The following VSX2 variants were observed in gnomAD, a reference collection of about 807,000 sequenced individuals.
VSX2 encodes the protein ceh-10 homeo domain containing homolog.
A neutral mutation model predicts 32.1 loss-of-function variants in VSX2; 28 were observed. The ratio of observed to expected loss-of-function variants is 0.87; its 90% CI spans 0.65 to 1.20. The LOEUF (loss-of-function observed/expected upper bound fraction) is 1.20. Among genes scored for constraint, VSX2 ranks in the 50% most tolerant of loss-of-function variants. The pLI, the probability that VSX2 is intolerant of heterozygous loss-of-function variation, is 0.00. For synonymous variants in VSX2, 243 were observed against 214.1 expected (o/e 1.14, Z -1.18); for missense variants, 506 against 488.7 (o/e 1.04, Z -0.33).
Position 74,260,591 on chromosome 14 carries a change from T to C in VSX2, c.761-3T>C. 1 of 1,599,194 alleles carries C rather than the reference T, an allele frequency of 6.3e-7. No individual in the cohort carries two copies. The highest frequency in any genetic ancestry group is 1.1e-5 in the South Asian group (1 of 88,062). ...AAACCCGAATACCAACAATTCTTTC[T>C]AGGGATGCACAAAAAGTCGCTGGAG... On this transcript the variant is annotated splice_polypyrimidine_tract_variant and splice_region_variant and intron_variant, in intron 4 of 4. Transcript: ENST00000261980.
At chr14:74,253,384 C>G (rs2079242060) in intron 3 of VSX2, among the ~76,000 whole-genome samples, 1 of 152,050 alleles carries the variant, frequency 6.6e-6, no homozygotes, top group Non-Finnish European at 1.5e-5. Flanking sequence ...GAAAAAGGAG[C>G]CTAAATGCTG....
At chr14:74,252,859 G>C (rs2079238809) in intron 3 of VSX2, among the ~76,000 whole-genome samples, 1 of 150,224 alleles carries the variant, frequency 6.7e-6, no homozygotes, top group Non-Finnish European at 1.5e-5. Context: ...GACCAGCCTG[G>C]CCAACATGGT....
Position 74,239,750 on chromosome 14 carries a change from G to A in VSX2, c.189G>A (p.Ala63=), listed in dbSNP as rs1205909190. 15 of 1,550,296 alleles carry A rather than the reference G, an allele frequency of 9.7e-6. No homozygotes were observed. The highest frequency in any genetic ancestry group is 7.8e-5 in the Admixed American group (4 of 51,104). The stretch of plus-strand genomic sequence containing the variant: ...GCCTGGCCCCCGGGCACTTGCTGGC[G>A]GCGCGCTCAGTGCTCAGCCCCGCGG... ...LDGLAPGHLL[A]ARSVLSPAGV... is the part of the protein sequence containing the mutation. The change falls in exon 1 of 5, where the codon GCG becomes GCA. Residue 63 remains alanine (A), a synonymous_variant. Transcript: ENST00000261980.
chr14:74,244,929 T>TGTGAGAGAGA (rs1555387789), intron 2 of VSX2, among the ~76,000 whole-genome samples: 2 of 38,912 alleles, frequency 5.1e-5, no homozygotes, highest in East Asian at 1.1e-3. Context: ...TGTGTGTGTG[T>TGTGAGAGAGA]GAAAGAGAGA....
rs143480909 is a variant in VSX2, at chr14:74,245,241, C to T, written c.532C>T (p.Arg178Trp). 1.3e-5 allele frequency: 21 copies of T among 1,613,384 alleles called. No homozygotes were observed. Among genetic ancestry groups the T allele is most frequent in the East Asian group, 4.5e-5 (2 of 44,830 alleles). The change falls in exon 3 of 5, where the codon CGG becomes TGG. Residue 178 changes from arginine (R) to tryptophan (W), a missense_variant. Coordinates refer to ENST00000261980, the MANE Select transcript of VSX2 (RefSeq NM_182894.3). ...NEAHYPDVYA[R>W]EMLAMKTELP... ...AGCCCACTACCCAGACGTCTATGCC[C>T]GGGAGATGCTGGCCATGAAAACGGA...
Position 74,239,781 on chromosome 14 carries a change from G to A in VSX2, c.220G>A (p.Gly74Ser). 6.4e-7 allele frequency: 1 copy of A among 1,559,268 alleles called. No homozygotes were observed. The highest frequency in any genetic ancestry group is 1.2e-5 in the South Asian group (1 of 84,780). ...ARSVLSPAGV[G>S]GMGLLGPGGL... Reference sequence around the variant, plus strand: ...CTCAGTGCTCAGCCCCGCGGGGGTGGGCGGCATGGGGCTTCTGGGGCCCGG... The same window carrying A: ...CTCAGTGCTCAGCCCCGCGGGGGTGAGCGGCATGGGGCTTCTGGGGCCCGG... The change falls in exon 1 of 5, where the codon GGC becomes AGC. Residue 74 changes from glycine to serine, a missense_variant. Physicochemically the swap from Gly to Ser is moderately conservative, Grantham distance 56. Coordinates refer to ENST00000261980, the MANE Select transcript of VSX2 (RefSeq NM_182894.3).
chr14:74,252,818 A>C (rs963506176), intron 3 of VSX2, among the ~76,000 whole-genome samples: 1 of 151,272 alleles, frequency 6.6e-6, no homozygotes, highest in African/African-American at 2.4e-5. Flanking sequence ...GAGGCCTCGG[A>C]GGGCGGATCA....
At chr14:74,258,139 G>A (rs1856513289) in intron 3 of VSX2, among the ~76,000 whole-genome samples, 1 of 152,158 alleles carries the variant, frequency 6.6e-6, no homozygotes. Context: ...GGGGGTCCCC[G>A]GGGAAGCGGG....
In VSX2 at chr14:74,239,771, C is replaced by A. The variant is rs1387865406; in HGVS notation, c.210C>A (p.Pro70=). The part of the protein sequence containing the change: ...HLLAARSVLS[P]AGVGGMGLLG... Reference sequence around the variant, plus strand: ...TGGCGGCGCGCTCAGTGCTCAGCCCCGCGGGGGTGGGCGGCATGGGGCTTC... The same window carrying A: ...TGGCGGCGCGCTCAGTGCTCAGCCCAGCGGGGGTGGGCGGCATGGGGCTTC... Residue 70 remains proline, a synonymous_variant, in exon 1 of 5, where the codon CCC becomes CCA. Transcript: ENST00000261980. 6.4e-7 allele frequency: 1 copy of A among 1,555,660 alleles called. No homozygotes were observed. Among genetic ancestry groups the A allele is most frequent in the Admixed American group, 1.9e-5 (1 of 51,582 alleles).
Position 74,247,443 on chromosome 14 carries a change from A to G in VSX2, c.579+2155A>G, listed in dbSNP as rs1318971219. ...GGCACCTGCCTCTTGTGTGGAGGTA[A>G]TGAGCCATATGTGTGCAGCATTCAG... On this transcript the variant is annotated intron_variant, in intron 3 of 4. Transcript: ENST00000261980. Among the ~76,000 whole-genome samples, 4 of 152,280 alleles carry G rather than the reference A, an allele frequency of 2.6e-5. No homozygotes were observed. In the South Asian group the frequency reaches 8.3e-4, roughly 32 times the overall value.
chr14:74,260,637 G>A lies in VSX2; in HGVS notation c.804G>A (p.Arg268=), dbSNP rs1208767289. Residue 268 remains arginine (R), a synonymous_variant, in exon 5 of 5, where the codon AGG becomes AGA. Transcript: ENST00000261980. ...KSLEAAAESG[R]KPEGERQALP... is the part of the protein sequence containing the mutation. ...TGGAGGCAGCAGCCGAGTCGGGGAG[G>A]AAGCCCGAGGGGGAACGCCAGGCCC... 1 of 1,607,432 alleles carries A rather than the reference G, an allele frequency of 6.2e-7. No individual in the cohort carries two copies. The highest frequency in any genetic ancestry group is 2.2e-5 in the East Asian group (1 of 44,616).
chr14:74,260,278 C>T (rs7150583), intron 4 of VSX2, among the ~76,000 whole-genome samples: 92,840 of 152,036 alleles, frequency 0.61, 30,535 homozygotes, highest in East Asian at 0.88. Flanking sequence ...AGCACCAGCT[C>T]CTCTTGGGGT....
chr14:74,241,127 G>A, intron 1 of VSX2, 55 bp from the exon 2 acceptor site: 2 of 1,587,112 alleles, frequency 1.3e-6, no homozygotes, highest in South Asian at 1.1e-5. Context: ...GCGGGTTTCG[G>A]GCACAGCGGA....
rs1448836756 is a variant in VSX2, at chr14:74,248,589, G to A, written c.579+3301G>A. ...GCCTGTGGTCCCAGCTACTCAAGAA[G>A]CTGAGATGGGAGGACCACTTGAGCC... On this transcript the variant is annotated intron_variant, in intron 3 of 4. Coordinates refer to ENST00000261980, the MANE Select transcript of VSX2 (RefSeq NM_182894.3). 2.6e-5 allele frequency among the ~76,000 whole-genome samples: 4 copies of A among 152,004 alleles called. No homozygotes were observed. The East Asian group carries it at 7.7e-4, about 29-fold the overall frequency.
chr14:74,247,212 T>G (rs537963834), intron 3 of VSX2, among the ~76,000 whole-genome samples: 1 of 152,264 alleles, frequency 6.6e-6, no homozygotes, highest in East Asian at 1.9e-4. Context: ...GGAAAGATCT[T>G]GGTGTGCATC....
chr14:74,239,983 G>A (rs2079138744), intron 1 of VSX2, 52 bp downstream of exon 1: 3 of 1,537,540 alleles, frequency 2.0e-6, no homozygotes, highest in Non-Finnish European at 2.6e-6. Flanking sequence ...ACAGCCGGGA[G>A]CCCCGCGCCG....
chr14:74,244,909 T>TGTGAGAGAGAGAAAGAGAGAGAGAAA (rs1566884370), intron 2 of VSX2, among the ~76,000 whole-genome samples: 1 of 108,614 alleles, frequency 9.2e-6, no homozygotes, highest in East Asian at 4.2e-4. Context: ...TGTGTGTGTG[T>TGTGAGAGAGAGAAAGAGAGAGAGAAA]GTGTGTGTGT....
chr14:74,250,499 TA>T (rs1219960579), intron 3 of VSX2, among the ~76,000 whole-genome samples: 3 of 152,212 alleles, frequency 2.0e-5, no homozygotes, highest in African/African-American at 7.2e-5. Context: ...TCACCCCTCT[TA>T]GAAGTCTCGT....
chr14:74,244,545 G>C (rs1457890523), intron 2 of VSX2, among the ~76,000 whole-genome samples: 1 of 152,072 alleles, frequency 6.6e-6, no homozygotes, highest in Non-Finnish European at 1.5e-5. Flanking sequence ...TTGACCTTCC[G>C]GTGAATCTTC....
Sources: allele counts gnomAD v4.1 joint callset (sites outside exome capture counted in the v4.1 genomes callset), GRCh38; gene constraint gnomAD v4.1.1; transcripts MANE v1.5; gene names NCBI Gene and HGNC (gene_info 2026-07-23, HGNC 2026-07-21).